SLC5A10: variants seen among roughly 807,000 people sequenced by gnomAD.
The protein encoded by SLC5A10 is sodium/mannose cotransporter SLC5A10.
SLC5A10 carries 55 observed loss-of-function variants against 68.9 expected under a neutral mutation model. The observed-to-expected ratio is 0.80, with a 90% CI of 0.64 to 1.00. The LOEUF (loss-of-function observed/expected upper bound fraction) is 1.00, where lower values mean the gene tolerates loss of function less well. Ranked by LOEUF, SLC5A10 falls within the 50% of genes least tolerant of loss-of-function variation. The pLI is 0.00. For missense variants in SLC5A10, 732 were observed against 819.3 expected, an observed-to-expected ratio of 0.89 and a Z score of 1.30; for synonymous variants, 344 against 344.8, an observed-to-expected ratio of 1.00 and a Z score of 0.02.
chr17:18,966,238 G>T (rs565442508), intron 5 of SLC5A10, among the ~76,000 whole-genome samples: 1 of 152,142 alleles, frequency 6.6e-6, no homozygotes, highest in Admixed American at 6.5e-5. Flanking sequence ...GGCACCTCTG[G>T]ACAGCAGCCT....
intron 1 of SLC5A10, among the ~76,000 whole-genome samples, chr17:18,955,333 T>C (rs1450670084): frequency 1.3e-5 from 2 of 152,186 alleles, no homozygotes; most frequent in Non-Finnish European, 2.9e-5. Flanking sequence ...CACCACTTGC[T>C]AGATGGGTGT....
chr17:19,005,651 C>T (rs566985297), intron 9 of SLC5A10, among the ~76,000 whole-genome samples: 4 of 152,030 alleles, frequency 2.6e-5, no homozygotes, highest in East Asian at 3.9e-4. Flanking sequence ...CCTCAAACCC[C>T]CCCCCTCCAA....
rs1247112113 is a variant in SLC5A10, at chr17:18,971,491, C to T, written c.846+273C>T. On this transcript the variant is annotated intron_variant, in intron 8 of 14. Coordinates refer to ENST00000395645, the MANE Select transcript of SLC5A10 (RefSeq NM_001042450.4). The surrounding 1 kb of genome is among the most constrained non-coding windows in gnomAD (Gnocchi z 5.5). ...TGGAGTATGGGATTCCGAAGGGACT[C>T]GGATGCTCCTCGGTGGCCCTGCCAT... The T allele has an allele frequency of 4.3e-6, 7 of 1,613,926 alleles. No homozygotes were observed. The highest frequency in any genetic ancestry group is 4.0e-5 in the African/African-American group (3 of 74,922).
At chr17:18,985,653 C>A (rs1029829717) in intron 9 of SLC5A10, among the ~76,000 whole-genome samples, 1 of 152,200 alleles carries the variant, frequency 6.6e-6, no homozygotes, top group Admixed American at 6.5e-5. Context: ...TCTGGCCACC[C>A]GCCCAGGGCT....
chr17:19,009,990 G>C (rs972521527), intron 9 of SLC5A10, among the ~76,000 whole-genome samples: 1 of 152,058 alleles, frequency 6.6e-6, no homozygotes, highest in Non-Finnish European at 1.5e-5. Context: ...GAGGTGTCCA[G>C]GAGAGCCTGG....
chr17:19,010,524 AAAG>A (rs1235571949), intron 9 of SLC5A10, among the ~76,000 whole-genome samples: 1 of 152,170 alleles, frequency 6.6e-6, no homozygotes, highest in Non-Finnish European at 1.5e-5. Context: ...CGGTTCTCAT[AAAG>A]AAGTTCTTTC....
chr17:19,010,831 C>A (rs763027604), intron 9 of SLC5A10, among the ~76,000 whole-genome samples: 4 of 152,142 alleles, frequency 2.6e-5, no homozygotes, highest in African/African-American at 9.7e-5. Flanking sequence ...GTCTTGGATC[C>A]GACTGTGTCC....
intron 9 of SLC5A10, among the ~76,000 whole-genome samples, chr17:18,993,015 C>T (rs970011249): frequency 4.6e-5 from 7 of 152,186 alleles, no homozygotes; most frequent in South Asian, 2.1e-4. Context: ...CCTCGCAGGA[C>T]GAGTAGGTAG....
chr17:18,995,504 A>G (rs1356540834), intron 9 of SLC5A10, among the ~76,000 whole-genome samples: 1 of 152,216 alleles, frequency 6.6e-6, no homozygotes, highest in Non-Finnish European at 1.5e-5. Flanking sequence ...GCCATCCAAT[A>G]TATGTGTAAT....
intron 10 of SLC5A10, among the ~76,000 whole-genome samples, chr17:19,013,841 C>T (rs567188905): frequency 3.3e-5 from 5 of 152,138 alleles, no homozygotes; most frequent in South Asian, 2.1e-4. Flanking sequence ...GGGCTGACAC[C>T]GAGCCATTGT....
chr17:18,958,230 C>T (rs1329620461), intron 1 of SLC5A10, among the ~76,000 whole-genome samples: 1 of 152,148 alleles, frequency 6.6e-6, no homozygotes, highest in Non-Finnish European at 1.5e-5. Flanking sequence ...GCCACCAAAC[C>T]CTGCATTTTT....
intron 6 of SLC5A10, 76 bp downstream of exon 6, chr17:18,969,233 C>T (rs1475428669): frequency 2.3e-5 from 36 of 1,577,824 alleles, no homozygotes; most frequent in East Asian, 9.0e-5. Context: ...CCTACAGGCC[C>T]GAGGGAGCAG....
intron 5 of SLC5A10, among the ~76,000 whole-genome samples, chr17:18,963,891 C>T (rs185149220): frequency 1.3e-3 from 194 of 152,338 alleles, no homozygotes; most frequent in African/African-American, 4.3e-3. Context: ...AGGTCCTCCA[C>T]GGGGGTCGCT....
intron 8 of SLC5A10, among the ~76,000 whole-genome samples, chr17:18,974,139 C>T (rs537157725): frequency 1.3e-5 from 2 of 152,176 alleles, no homozygotes; most frequent in African/African-American, 2.4e-5. Flanking sequence ...GATCCGCCCA[C>T]CTAGGCCTCC....
At chr17:18,979,802 A>G in intron 9 of SLC5A10, 1 of 1,060,226 alleles carries the variant, frequency 9.4e-7, no homozygotes, top group Non-Finnish European at 1.4e-6. Context: ...AAGAGGCTGT[A>G]AGGCCTGGAG....
intron 10 of SLC5A10, among the ~76,000 whole-genome samples, 196 bp downstream of exon 10, chr17:19,013,713 G>C (rs1443806269): frequency 1.6e-5 from 2 of 127,322 alleles, no homozygotes; most frequent in Middle Eastern, 4.3e-3. Context: ...TTGTTGCTGG[G>C]ATTAAACATA....
chr17:19,012,937 C>T (rs983242700), intron 9 of SLC5A10, among the ~76,000 whole-genome samples: 1 of 152,146 alleles, frequency 6.6e-6, no homozygotes, highest in Admixed American at 6.5e-5. Context: ...ACACTCAAGC[C>T]GGCTGCCCAT....
chr17:18,981,821 T>C (rs2043141199), intron 9 of SLC5A10, among the ~76,000 whole-genome samples: 1 of 152,104 alleles, frequency 6.6e-6, no homozygotes, highest in Admixed American at 6.5e-5. Context: ...AGCAGGAAGC[T>C]GGCCACGGCC....
intron 9 of SLC5A10, among the ~76,000 whole-genome samples, chr17:18,989,431 C>A (rs1459176921): frequency 6.7e-6 from 1 of 149,000 alleles, no homozygotes; most frequent in East Asian, 2.0e-4. Flanking sequence ...CCCATCTGGG[C>A]TCCTCCTGGG....
Sources: gnomAD v4.1 joint callset for allele counts (sites outside exome capture counted in the v4.1 genomes callset) on GRCh38, gnomAD v4.1.1 for gene constraint, Gnocchi (gnomAD v3.1) non-coding constraint, MANE v1.5 for transcripts, NCBI Gene and HGNC (gene_info 2026-07-23, HGNC 2026-07-21) for gene names.